Variants in RBMS1 observed in about 807,000 individuals in gnomAD.
RBMS1 encodes the protein RNA-binding motif, single-stranded-interacting protein 1.
Under a neutral mutation model 62.3 loss-of-function variants are expected in RBMS1, and 17 were observed. The ratio of observed to expected loss-of-function variants is 0.27; its 90% CI spans 0.19 to 0.41. RBMS1 has a LOEUF of 0.41. Among genes scored for constraint, RBMS1 ranks in the 10% least tolerant of loss-of-function variants. RBMS1 has a pLI of 1.00. For synonymous variants in RBMS1, 172 were observed against 170.0 expected (o/e 1.01, Z -0.09); for missense variants, 334 against 504.5 (o/e 0.66, Z 3.24).
intron 1 of RBMS1, among the ~76,000 whole-genome samples, chr2:160,486,820 C>A (rs1685618839): frequency 6.7e-6 from 1 of 150,066 alleles, no homozygotes; most frequent in Non-Finnish European, 1.5e-5. Flanking sequence ...ATCTAATTAG[C>A]AGCATTACAA....
intron 1 of RBMS1, among the ~76,000 whole-genome samples, chr2:160,473,645 A>G (rs1048941693): frequency 8.5e-5 from 13 of 152,176 alleles, no homozygotes; most frequent in Non-Finnish European, 1.5e-4. Flanking sequence ...TAGGATTTGT[A>G]AAAAGGAAAT....
At chr2:160,286,250 T>C (rs899885675) in intron 7 of RBMS1, among the ~76,000 whole-genome samples, 2 of 146,754 alleles carry the variant, frequency 1.4e-5, no homozygotes, top group African/African-American at 5.0e-5. Flanking sequence ...TGGTAGGCTA[T>C]AACCACACCA....
At chr2:160,403,999 T>A (rs768300866) in intron 1 of RBMS1, among the ~76,000 whole-genome samples, 1 of 152,212 alleles carries the variant, frequency 6.6e-6, no homozygotes. Context: ...TTTTCATAGC[T>A]ACAAAAGTCC....
chr2:160,479,197 A>AT (rs1440786202), intron 1 of RBMS1, among the ~76,000 whole-genome samples: 2 of 152,268 alleles, frequency 1.3e-5, no homozygotes, highest in African/African-American at 4.8e-5. Flanking sequence ...CCCCACAGCC[A>AT]TAACAACAAA....
At chr2:160,376,601 G>A (rs1333146769) in intron 1 of RBMS1, among the ~76,000 whole-genome samples, 1 of 151,804 alleles carries the variant, frequency 6.6e-6, no homozygotes, top group Non-Finnish European at 1.5e-5. Context: ...TTATATATCA[G>A]TCTATGTATT....
chr2:160,488,467 T>G (rs570310517), intron 1 of RBMS1, among the ~76,000 whole-genome samples: 35 of 152,256 alleles, frequency 2.3e-4, no homozygotes, highest in African/African-American at 8.2e-4. Context: ...TCCTAGCTAC[T>G]TGGGAGGCTG....
chr2:160,295,755 T>C (rs1688901991), intron 6 of RBMS1, among the ~76,000 whole-genome samples: 2 of 152,254 alleles, frequency 1.3e-5, no homozygotes, highest in Non-Finnish European at 2.9e-5. Context: ...CTAACCTTGA[T>C]CTGTGACACC....
intron 1 of RBMS1, among the ~76,000 whole-genome samples, chr2:160,485,745 A>T (rs982304165): frequency 1.4e-4 from 22 of 151,920 alleles, no homozygotes; most frequent in Non-Finnish European, 2.9e-4. Context: ...TTTTAAATAG[A>T]AGTATACAAA....
chr2:160,407,451 G>C (rs1695803522), intron 1 of RBMS1: 5 of 986,168 alleles, frequency 5.1e-6, no homozygotes, highest in Non-Finnish European at 6.0e-6. Context: ...CGGCATCCCG[G>C]CCGCCGCCTC....
chr2:160,279,500 G>A (rs903272351), intron 10 of RBMS1: 3 of 152,156 alleles, frequency 2.0e-5, no homozygotes, highest in Non-Finnish European at 2.9e-5. Flanking sequence ...CATATCCTGG[G>A]ATTTTGCTCT....
chr2:160,357,173 A>G (rs928214321), intron 2 of RBMS1, among the ~76,000 whole-genome samples: 1 of 152,158 alleles, frequency 6.6e-6, no homozygotes, highest in Non-Finnish European at 1.5e-5. Flanking sequence ...GAACAAGGAA[A>G]GGATGTAAAT....
At chr2:160,380,540 CA>C (rs1163746460) in intron 1 of RBMS1, among the ~76,000 whole-genome samples, 1 of 152,178 alleles carries the variant, frequency 6.6e-6, no homozygotes, top group Non-Finnish European at 1.5e-5. Context: ...AGAGGATACA[CA>C]AACAGTTTTA....
chr2:160,483,395 T>C (rs964204931), intron 1 of RBMS1, among the ~76,000 whole-genome samples: 2 of 152,234 alleles, frequency 1.3e-5, no homozygotes, highest in South Asian at 4.1e-4. Context: ...CCTATTATGC[T>C]AATTAAGTAC....
At chr2:160,421,647 C>T (rs1214636716) in intron 1 of RBMS1, among the ~76,000 whole-genome samples, 2 of 152,090 alleles carry the variant, frequency 1.3e-5, no homozygotes, top group African/African-American at 4.8e-5. Context: ...ATTTATAATC[C>T]TTTGGGTATA....
intron 1 of RBMS1, among the ~76,000 whole-genome samples, chr2:160,447,101 T>G (rs1683686510): frequency 6.6e-6 from 1 of 152,202 alleles, no homozygotes; most frequent in African/African-American, 2.4e-5. Flanking sequence ...ACAGTGAAAG[T>G]TTACTTCTCA....
chr2:160,372,241 G>A (rs1462361814), intron 1 of RBMS1, among the ~76,000 whole-genome samples: 1 of 150,698 alleles, frequency 6.6e-6, no homozygotes, highest in Admixed American at 6.6e-5. Flanking sequence ...TGAAGGGAAA[G>A]GAAAGCTAGG....
At chr2:160,378,818 G>C (rs1474982899) in intron 1 of RBMS1, among the ~76,000 whole-genome samples, 1 of 152,114 alleles carries the variant, frequency 6.6e-6, no homozygotes, top group African/African-American at 2.4e-5. Flanking sequence ...AAATAAAATG[G>C]AGAGATTTGT....
intron 9 of RBMS1, chr2:160,284,573 A>G (rs1688266055): frequency 1.8e-6 from 1 of 562,542 alleles, no homozygotes; most frequent in Non-Finnish European, 3.2e-6. Flanking sequence ...ACCACTGACA[A>G]ACATTTTCCT....
chr2:160,484,169 G>T (rs570221679), intron 1 of RBMS1, among the ~76,000 whole-genome samples: 2 of 151,990 alleles, frequency 1.3e-5, no homozygotes, highest in South Asian at 4.2e-4. Context: ...TGCTCCACAG[G>T]CTGATTCTAG....
Sources: gnomAD v4.1 joint callset for allele counts (sites outside exome capture counted in the v4.1 genomes callset) on GRCh38, gnomAD v4.1.1 for gene constraint, MANE v1.5 for transcripts, NCBI Gene and HGNC (gene_info 2026-07-23, HGNC 2026-07-21) for gene names.